CACNB2: variants seen among roughly 807,000 people sequenced by gnomAD.
The protein encoded by CACNB2 is calcium voltage-gated channel auxiliary subunit beta 2, also known as voltage-dependent L-type calcium channel subunit beta-2.
CACNB2 carries 42 observed loss-of-function variants against 73.3 expected under a neutral mutation model. The ratio of observed to expected loss-of-function variants is 0.57; its 90% CI spans 0.45 to 0.74. CACNB2 has a LOEUF of 0.74. CACNB2 is among the 30% of genes least tolerant of loss of function. The pLI is 0.00. For missense variants in CACNB2, 940 were observed against 853.0 expected, an observed-to-expected ratio of 1.10 and a Z score of -1.27; for synonymous variants, 348 against 310.3, an observed-to-expected ratio of 1.12 and a Z score of -1.28.
intron 2 of CACNB2, among the ~76,000 whole-genome samples, chr10:18,227,634 C>A (rs2036047141): frequency 6.6e-6 from 1 of 152,140 alleles, no homozygotes; most frequent in African/African-American, 2.4e-5. Flanking sequence ...TGGGCGGCCG[C>A]AAGACAGGCA....
At chr10:18,535,259 T>C (rs185657862) in intron 11 of CACNB2, among the ~76,000 whole-genome samples, 13 of 152,230 alleles carry the variant, frequency 8.5e-5, no homozygotes, top group African/African-American at 2.6e-4. Flanking sequence ...GGAACCACCA[T>C]TTGTTGAGTT....
At position 18,478,170 on chromosome 10, in the gene CACNB2, G is replaced by A. The variant is rs187804085; in HGVS notation, c.334-20185G>A. Among the ~76,000 whole-genome samples, 12 of 152,238 alleles carry A rather than the reference G, an allele frequency of 7.9e-5. 1 individual carries two copies. The highest frequency in any genetic ancestry group is 7.2e-4 in the Admixed American group (11 of 15,286). On this transcript the variant is annotated intron_variant, in intron 3 of 13. Coordinates refer to ENST00000324631, the MANE Select transcript of CACNB2 (RefSeq NM_201596.3). Reference sequence around the variant, plus strand: ...TGGTCTCAAACTCCTGACCTAAGTTGATCCTCCCACCTCAGCCTCCGAAGG... The same window carrying A: ...TGGTCTCAAACTCCTGACCTAAGTTAATCCTCCCACCTCAGCCTCCGAAGG...
intron 3 of CACNB2, among the ~76,000 whole-genome samples, chr10:18,481,231 T>TATATATGTA (rs1467945071): frequency 8.0e-5 from 1 of 12,534 alleles, no homozygotes; most frequent in South Asian, 4.1e-3. Flanking sequence ...TATATATATA[T>TATATATGTA]TTTTTTTTTT....
At chr10:18,390,920 G>T (rs962279975) in intron 2 of CACNB2, among the ~76,000 whole-genome samples, 1 of 152,234 alleles carries the variant, frequency 6.6e-6, no homozygotes, top group Admixed American at 6.5e-5. Context: ...CTTTGGCTAT[G>T]CAATGAGTCA....
At chr10:18,146,547 G>T (rs566185407) in intron 1 of CACNB2, among the ~76,000 whole-genome samples, 1 of 151,738 alleles carries the variant, frequency 6.6e-6, no homozygotes, top group Non-Finnish European at 1.5e-5. Flanking sequence ...GCGTGATCTC[G>T]GCTCACTGCA....
intron 2 of CACNB2, among the ~76,000 whole-genome samples, chr10:18,163,258 C>G (rs2032604610): frequency 6.6e-6 from 1 of 152,190 alleles, no homozygotes; most frequent in Non-Finnish European, 1.5e-5. Flanking sequence ...CCCCGTTTAA[C>G]AGATGATGAA....
intron 3 of CACNB2, among the ~76,000 whole-genome samples, chr10:18,463,591 T>G (rs60794926): frequency 0.14 from 11,090 of 80,686 alleles, 1,088 homozygotes; most frequent in African/African-American, 0.28. Flanking sequence ...GTTGTTTTTT[T>G]TTTGTTGTTT....
intron 2 of CACNB2, among the ~76,000 whole-genome samples, chr10:18,286,776 C>T (rs1157265889): frequency 1.3e-5 from 2 of 152,068 alleles, no homozygotes; most frequent in Non-Finnish European, 2.9e-5. Context: ...CTATTGCTGA[C>T]ATTACTAGGT....
chr10:18,172,518 A>G (rs1305388689), intron 2 of CACNB2, among the ~76,000 whole-genome samples: 1 of 152,144 alleles, frequency 6.6e-6, no homozygotes, highest in Non-Finnish European at 1.5e-5. Flanking sequence ...AAACTGTACA[A>G]TATCCCTGAG....
rs886441381 is a variant in CACNB2 at position 18,514,142 on chromosome 10, T to A, written c.671-94T>A. The A allele has an allele frequency of 4.4e-6, 6 of 1,365,274 alleles. No homozygotes were observed. The African/African-American group carries it at 8.6e-5, about 20-fold the overall frequency. The allele number at this position is 1,365,274 out of a possible 1,614,324, so 84.6% of individuals were successfully genotyped here. ...TGTTGAGCACTCATGATAGTTTTTT[T>A]TACTATGGTTAGTTTTATTTGCTTT... is the stretch of plus-strand genomic sequence containing the variant. On this transcript the variant is annotated intron_variant, in intron 6 of 13. Transcript: ENST00000324631.
chr10:18,253,388 T>G (rs912343469), intron 2 of CACNB2, among the ~76,000 whole-genome samples: 3 of 152,212 alleles, frequency 2.0e-5, no homozygotes, highest in Non-Finnish European at 4.4e-5. Context: ...CATAGAATTC[T>G]AAAATCTATC....
intron 2 of CACNB2, among the ~76,000 whole-genome samples, chr10:18,217,187 T>C (rs1017363993): frequency 6.6e-5 from 10 of 152,074 alleles, no homozygotes; most frequent in Non-Finnish European, 1.5e-4. Flanking sequence ...TATAAACAAA[T>C]ACTATAAATA....
chr10:18,331,681 A>G (rs558176770), intron 2 of CACNB2, among the ~76,000 whole-genome samples: 1 of 152,196 alleles, frequency 6.6e-6, no homozygotes, highest in African/African-American at 2.4e-5. Flanking sequence ...TGAGTTGAAC[A>G]TCCTCTCATA....
At chr10:18,202,124 G>A (rs894439071) in intron 2 of CACNB2, among the ~76,000 whole-genome samples, 3 of 152,172 alleles carry the variant, frequency 2.0e-5, no homozygotes, top group African/African-American at 7.2e-5. Context: ...AAGAGTACAT[G>A]CTTTGGACCC....
intron 3 of CACNB2, among the ~76,000 whole-genome samples, chr10:18,437,626 G>C (rs1348471259): frequency 2.0e-5 from 3 of 152,140 alleles, no homozygotes; most frequent in Non-Finnish European, 4.4e-5. Flanking sequence ...TGCAAGGAAG[G>C]CTAGAAATTT....
intron 2 of CACNB2, among the ~76,000 whole-genome samples, chr10:18,234,959 C>T (rs76765926): frequency 1.3e-5 from 2 of 150,844 alleles, no homozygotes; most frequent in South Asian, 2.1e-4. Flanking sequence ...CTGGCTAACA[C>T]GGTGAAACCC....
At position 18,291,443 on chromosome 10, in the gene CACNB2, C is replaced by T. The variant is rs185599705; in HGVS notation, c.214-110481C>T. Among the ~76,000 whole-genome samples the T allele has an allele frequency of 7.2e-5, 11 of 152,310 alleles. No homozygotes were observed. In the East Asian group the frequency reaches 9.7e-4, roughly 13 times the overall value. On this transcript the variant is annotated intron_variant, in intron 2 of 13. Coordinates refer to ENST00000324631, the MANE Select transcript of CACNB2 (RefSeq NM_201596.3). ...AAGTTTTAATTTTTTCAAGGGACTA[C>T]TCCACTTCGGATGTTGTGGCTATAC...
intron 12 of CACNB2, 47 bp downstream of exon 12, chr10:18,536,243 CTTTTTTTTTT>C (rs904187820): frequency 2.8e-5 from 8 of 283,204 alleles, no homozygotes; most frequent in African/African-American, 1.3e-4. Flanking sequence ...GAGATCAGAC[CTTTTTTTTTT>C]TTTTTTTTTT....
chr10:18,301,675 G>T (rs1425480748), intron 2 of CACNB2, among the ~76,000 whole-genome samples: 1 of 149,300 alleles, frequency 6.7e-6, no homozygotes, highest in Admixed American at 6.7e-5. Context: ...TTGAGATGGA[G>T]TCTTGCTCTG....
Sources: gnomAD v4.1 joint callset for allele counts (sites outside exome capture counted in the v4.1 genomes callset) on GRCh38, gnomAD v4.1.1 for gene constraint, MANE v1.5 for transcripts, NCBI Gene and HGNC (gene_info 2026-07-23, HGNC 2026-07-21) for gene names.